Variants in PC observed in about 807,000 individuals in gnomAD.
PC encodes pyruvate carboxylase, mitochondrial.
PC carries 46 observed loss-of-function variants against 107.8 expected under a neutral mutation model. The observed-to-expected ratio is 0.43, with a 90% CI of 0.34 to 0.55. The LOEUF is 0.55. Ranked by LOEUF, PC falls within the 20% of genes least tolerant of loss-of-function variation. The pLI is 0.04. For synonymous variants in PC, 662 were observed against 684.7 expected (o/e 0.97, Z 0.52); for missense variants, 1,241 against 1,643.1 (o/e 0.76, Z 4.23).
Position 66,870,955 on chromosome 11 carries a change from T to C in PC, c.634-63A>G. 1 of 1,605,660 alleles carries C rather than the reference T, an allele frequency of 6.2e-7. No individual in the cohort carries two copies. Among genetic ancestry groups the C allele is most frequent in the Non-Finnish European group, 8.5e-7 (1 of 1,175,008 alleles). On this transcript the variant is annotated intron_variant, in intron 7 of 22. Transcript: ENST00000393960. The surrounding 1 kb of genome is among the most constrained non-coding windows in gnomAD (Gnocchi z 6.1). ...CCACAGCGCTACCTCTCCCCTGCCA[T>C]GAACCCCACCCACTTTCCAGATCCC...
At chr11:66,886,981 C>T (rs575206584) in intron 3 of PC, among the ~76,000 whole-genome samples, 20 of 152,216 alleles carry the variant, frequency 1.3e-4, no homozygotes, top group Non-Finnish European at 2.4e-4. Context: ...TCCCAAGATA[C>T]AAGGCTCCAG....
chr11:66,855,118 G>A (rs1945725229), intron 12 of PC, among the ~76,000 whole-genome samples: 1 of 152,220 alleles, frequency 6.6e-6, no homozygotes, highest in East Asian at 1.9e-4. Flanking sequence ...GACACACGCT[G>A]AAGGTCATAA....
In PC at chr11:66,871,681, GC is replaced by G. The variant is rs964589722; in HGVS notation, c.321+5del. 10 of 1,564,398 alleles carry G rather than the reference GC, an allele frequency of 6.4e-6. No homozygotes were observed. Among genetic ancestry groups the G allele is most frequent in the Non-Finnish European group, 8.7e-6 (10 of 1,154,464 alleles). ...TGTCCAGGCCCAGCCAGGCCACTGG[GC>G]TCACCTTGGCCACCTTGATGATGTC... On this transcript the variant is annotated splice_donor_5th_base_variant and intron_variant, in intron 5 of 22. Coordinates refer to ENST00000393960, the MANE Select transcript of PC (RefSeq NM_001040716.2). This position sits in a 1 kb window ranked among gnomAD's most constrained non-coding sequence, Gnocchi z 7.4.
chr11:66,881,058 G>A (rs1306040186), intron 3 of PC, among the ~76,000 whole-genome samples: 2 of 152,196 alleles, frequency 1.3e-5, no homozygotes, highest in African/African-American at 4.8e-5. Context: ...CGCCTCGGGG[G>A]ATGCCACTGT....
Position 66,858,224 on chromosome 11 carries a change from G to C in PC, c.1369-4841C>G. On this transcript the variant is annotated intron_variant, in intron 12 of 22. Coordinates refer to ENST00000393960, the MANE Select transcript of PC (RefSeq NM_001040716.2). This position sits in a 1 kb window ranked among gnomAD's most constrained non-coding sequence, Gnocchi z 5.9. ...TGTCCTACAACAACCTCCGGCAGGTGCCCTGGGCCGGCATCGGCGCCATGC... is the reference window on the plus strand; with the variant it reads ...TGTCCTACAACAACCTCCGGCAGGTCCCCTGGGCCGGCATCGGCGCCATGC... 6.2e-7 allele frequency: 1 copy of C among 1,612,432 alleles called. No homozygotes were observed. Among genetic ancestry groups the C allele is most frequent in the Non-Finnish European group, 8.5e-7 (1 of 1,179,914 alleles).
At chr11:66,933,841 C>T (rs1326035526) in intron 3 of PC, among the ~76,000 whole-genome samples, 1 of 152,154 alleles carries the variant, frequency 6.6e-6, no homozygotes, top group Non-Finnish European at 1.5e-5. Context: ...TCCCATTCAC[C>T]TCTGGGTAGT....
intron 3 of PC, among the ~76,000 whole-genome samples, chr11:66,906,066 C>T (rs1470431499): frequency 6.6e-6 from 1 of 152,068 alleles, no homozygotes; most frequent in Non-Finnish European, 1.5e-5. Flanking sequence ...GGGCGGGGAG[C>T]CTGCAGTAAC....
chr11:66,850,142 G>A, intron 19 of PC, 26 bp from the exon 20 acceptor site: 1 of 1,613,834 alleles, frequency 6.2e-7, no homozygotes. Context: ...TGGAGGTTAG[G>A]GTGCCAGGCA....
chr11:66,858,380 G>C lies in PC; in HGVS notation c.1369-4997C>G, dbSNP rs757156530. On this transcript the variant is annotated intron_variant, in intron 12 of 22. Coordinates refer to ENST00000393960, the MANE Select transcript of PC (RefSeq NM_001040716.2). This position sits in a 1 kb window ranked among gnomAD's most constrained non-coding sequence, Gnocchi z 5.9. ...GCCTGGCCACGCTGGCTCCGGACCCGCTTTTCTCTCGTGGGCGTGATGCAG... is the reference window on the plus strand; with the variant it reads ...GCCTGGCCACGCTGGCTCCGGACCCCCTTTTCTCTCGTGGGCGTGATGCAG... 4.4e-6 allele frequency: 7 copies of C among 1,577,186 alleles called. No homozygotes were observed. Among genetic ancestry groups the C allele is most frequent in the Admixed American group, 3.6e-5 (2 of 55,044 alleles).
intron 3 of PC, among the ~76,000 whole-genome samples, chr11:66,902,713 C>T (rs533425043): frequency 6.6e-6 from 1 of 152,326 alleles, no homozygotes; most frequent in African/African-American, 2.4e-5. Flanking sequence ...ACACCCTCCT[C>T]TTCCTCCTCC....
At chr11:66,894,436 C>T (rs1947676796) in intron 3 of PC, among the ~76,000 whole-genome samples, 1 of 152,222 alleles carries the variant, frequency 6.6e-6, no homozygotes, top group African/African-American at 2.4e-5. Flanking sequence ...ATTTTTCTCC[C>T]TCCCTTATGA....
Position 66,850,272 on chromosome 11 carries a change from T to A in PC, c.2666A>T (p.Glu889Val). 6.2e-7 allele frequency: 1 copy of A among 1,614,108 alleles called. No individual in the cohort carries two copies. Among genetic ancestry groups the A allele is most frequent in the Non-Finnish European group, 8.5e-7 (1 of 1,180,004 alleles). Residue 889 changes from glutamate to valine, a missense_variant, in exon 19 of 23, where the codon GAG becomes GTG. Glu to Val is a moderately radical substitution (Grantham distance 121, BLOSUM62 -2). Coordinates refer to ENST00000393960, the MANE Select transcript of PC (RefSeq NM_001040716.2). ...HSMGLGSKFK[E>V]VKKAYVEANQ... is the part of the protein sequence containing the mutation. ...GGCCTCCACATAGGCCTTCTTGACC[T>A]CCTTGAACTTGGAGCCAAGCCCCAT...
intron 3 of PC, among the ~76,000 whole-genome samples, chr11:66,922,052 C>T (rs1426630532): frequency 6.6e-6 from 1 of 152,104 alleles, no homozygotes; most frequent in Non-Finnish European, 1.5e-5. Context: ...TCCCTTTGTC[C>T]CCATAAAGCC....
intron 18 of PC, 85 bp downstream of exon 18, chr11:66,850,589 G>T (rs1178780626): frequency 5.2e-5 from 83 of 1,601,520 alleles, no homozygotes; most frequent in Middle Eastern, 3.7e-4. Flanking sequence ...AGGGCATCTG[G>T]ATCCTAGGCA....
Position 66,948,989 on chromosome 11 carries a change from TTTA to T in PC, c.-1+3438_-1+3440del, listed in dbSNP as rs200743709. On this transcript the variant is annotated intron_variant, in intron 3 of 22. Coordinates refer to ENST00000393960, the MANE Select transcript of PC (RefSeq NM_001040716.2). ...AAAAATGGAAGAATTATTATTATTATTTATTATTATTATTATTTTTTTGAGATG... is the reference window on the plus strand; with the variant it reads ...AAAAATGGAAGAATTATTATTATTATTTATTATTATTATTTTTTTGAGATG... Among the ~76,000 whole-genome samples, 21 of 151,620 alleles carry T rather than the reference TTTA, an allele frequency of 1.4e-4. No homozygotes were observed. In the Middle Eastern group the frequency reaches 0.014, roughly 98 times the overall value.
chr11:66,925,996 T>A (rs986807210), intron 3 of PC, among the ~76,000 whole-genome samples: 4 of 151,318 alleles, frequency 2.6e-5, no homozygotes, highest in African/African-American at 9.7e-5. Context: ...ATCTAAGAAG[T>A]TTTTTAGAAG....
At chr11:66,919,104 A>T (rs1156344776) in intron 3 of PC, among the ~76,000 whole-genome samples, 3 of 152,164 alleles carry the variant, frequency 2.0e-5, no homozygotes, top group Admixed American at 2.0e-4. Flanking sequence ...ATGAATGGAA[A>T]AAACTTTCTA....
At chr11:66,951,634 G>A (rs530453337) in intron 3 of PC, among the ~76,000 whole-genome samples, 101 of 152,238 alleles carry the variant, frequency 6.6e-4, no homozygotes, top group Non-Finnish European at 9.9e-4. Context: ...GTTCATGCCT[G>A]TAATCCCAGC....
chr11:66,852,509 G>A lies in PC; in HGVS notation c.1755C>T (p.His585=), dbSNP rs760538194. Reference sequence around the variant, plus strand: ...CATAGGGGGCGATCTTTTTGAGATCGTGGGTGCGCACACGAGTGGCCAGCA... The same window carrying A: ...CATAGGGGGCGATCTTTTTGAGATCATGGGTGCGCACACGAGTGGCCAGCA... ...QSLLATRVRT[H]DLKKIAPYVA... The change falls in exon 15 of 23, where the codon CAC becomes CAT. Residue 585 remains histidine (H), a synonymous_variant. Transcript: ENST00000393960. This position sits in a 1 kb window ranked among gnomAD's most constrained non-coding sequence, Gnocchi z 4.7. 17 of 1,614,086 alleles carry A rather than the reference G, an allele frequency of 1.1e-5. No homozygotes were observed. The highest frequency in any genetic ancestry group is 2.2e-5 in the East Asian group (1 of 44,884).
Sources: allele counts gnomAD v4.1 joint callset (sites outside exome capture counted in the v4.1 genomes callset), GRCh38; gene constraint gnomAD v4.1.1; non-coding constraint Gnocchi (gnomAD v3.1); transcripts MANE v1.5; gene names NCBI Gene and HGNC (gene_info 2026-07-23, HGNC 2026-07-21).